PAQR5: variants seen among roughly 807,000 people sequenced by gnomAD.
The protein encoded by PAQR5 is progestin and adipoQ receptor family member 5.
In PAQR5, 20 loss-of-function variants were observed where a neutral mutation model predicts 34.5. The ratio of observed to expected loss-of-function variants is 0.58; its 90% CI spans 0.41 to 0.84. The LOEUF (loss-of-function observed/expected upper bound fraction) is 0.84, where lower values mean the gene tolerates loss of function less well. Among genes scored for constraint, PAQR5 ranks in the 40% least tolerant of loss-of-function variants. The pLI, the probability that PAQR5 is intolerant of heterozygous loss-of-function variation, is 0.00. For missense variants in PAQR5, 378 were observed against 412.7 expected, an observed-to-expected ratio of 0.92 and a Z score of 0.73; for synonymous variants, 131 against 155.6, an observed-to-expected ratio of 0.84 and a Z score of 1.18.
chr15:69,381,955 G>A (rs2055895446), intron 4 of PAQR5, among the ~76,000 whole-genome samples: 1 of 152,178 alleles, frequency 6.6e-6, no homozygotes, highest in Non-Finnish European at 1.5e-5. Flanking sequence ...TGGAAGCGAG[G>A]TGCTCTGCAG....
intron 2 of PAQR5, among the ~76,000 whole-genome samples, chr15:69,345,789 C>T (rs532511811): frequency 6.6e-6 from 1 of 152,174 alleles, no homozygotes; most frequent in Non-Finnish European, 1.5e-5. Flanking sequence ...AAAAAGAAAT[C>T]TTGCATAGTC....
At chr15:69,356,935 G>A (rs1472505072) in intron 2 of PAQR5, among the ~76,000 whole-genome samples, 1 of 152,068 alleles carries the variant, frequency 6.6e-6, no homozygotes, top group Non-Finnish European at 1.5e-5. Context: ...CTGAAGGTGG[G>A]GCCTGGAGGG....
intron 7 of PAQR5, chr15:69,397,796 G>C: frequency 1.8e-6 from 1 of 571,180 alleles, no homozygotes; most frequent in South Asian, 2.2e-5. Context: ...TCAAAATGGA[G>C]TTTCTTATGT....
At chr15:69,320,184 G>T (rs1247721830) in intron 1 of PAQR5, among the ~76,000 whole-genome samples, 1 of 152,236 alleles carries the variant, frequency 6.6e-6, no homozygotes, top group African/African-American at 2.4e-5. Flanking sequence ...CACCCTGGAG[G>T]CCAACTAGCT....
At chr15:69,349,214 C>T (rs2054849590) in intron 2 of PAQR5, among the ~76,000 whole-genome samples, 1 of 152,126 alleles carries the variant, frequency 6.6e-6, no homozygotes. Flanking sequence ...CTCTGCTCGC[C>T]TGAGGAACCA....
At chr15:69,306,602 A>G (rs2053722378) in intron 1 of PAQR5, among the ~76,000 whole-genome samples, 1 of 151,900 alleles carries the variant, frequency 6.6e-6, no homozygotes, top group Non-Finnish European at 1.5e-5. Flanking sequence ...ACAAGGTTTC[A>G]CCATGTTGGC....
intron 3 of PAQR5, among the ~76,000 whole-genome samples, chr15:69,374,659 A>C (rs994749567): frequency 1.3e-5 from 2 of 152,314 alleles, no homozygotes; most frequent in Non-Finnish European, 2.9e-5. Context: ...CCTGGGCAAC[A>C]GAGTGAGACT....
chr15:69,336,761 T>C (rs1054747834), intron 1 of PAQR5, among the ~76,000 whole-genome samples: 4 of 152,240 alleles, frequency 2.6e-5, no homozygotes, highest in African/African-American at 7.2e-5. Context: ...TTGGTTTTCT[T>C]TGGACTGTAT....
At chr15:69,380,681 T>C (rs746035987) in intron 4 of PAQR5, among the ~76,000 whole-genome samples, 1 of 152,104 alleles carries the variant, frequency 6.6e-6, no homozygotes, top group Non-Finnish European at 1.5e-5. Flanking sequence ...TGCACACCTT[T>C]GCTTAAGGAA....
intron 2 of PAQR5, among the ~76,000 whole-genome samples, chr15:69,355,298 T>C (rs1308513746): frequency 5.8e-5 from 4 of 68,430 alleles, no homozygotes; most frequent in African/African-American, 2.6e-4. Flanking sequence ...TTTTCTTTCT[T>C]TCTTTCTTTC....
At chr15:69,314,039 C>T (rs1286871592) in intron 1 of PAQR5, among the ~76,000 whole-genome samples, 2 of 152,262 alleles carry the variant, frequency 1.3e-5, no homozygotes, top group Non-Finnish European at 2.9e-5. Context: ...TCACTAATGC[C>T]TCCTGCCTGG....
intron 7 of PAQR5, 122 bp downstream of exon 7, chr15:69,397,686 C>A: frequency 1.4e-6 from 1 of 732,382 alleles, no homozygotes; most frequent in Non-Finnish European, 2.5e-6. Context: ...GGAGTCGAGA[C>A]CCAGGTGAAG....
chr15:69,399,125 G>T (rs1246244763), intron 7 of PAQR5, among the ~76,000 whole-genome samples: 4 of 152,184 alleles, frequency 2.6e-5, no homozygotes, highest in Non-Finnish European at 4.4e-5. Flanking sequence ...CAGTATAGTG[G>T]CCATCATTGA....
At chr15:69,305,798 C>G (rs2053703200) in intron 1 of PAQR5, among the ~76,000 whole-genome samples, 1 of 152,168 alleles carries the variant, frequency 6.6e-6, no homozygotes, top group South Asian at 2.1e-4. Context: ...GTTTATTCCT[C>G]CCAAGTTAGC....
rs770100165 is a variant in PAQR5 at position 69,310,074 on chromosome 15, AAAC to A, written c.-277+11033_-277+11035del. Among the ~76,000 whole-genome samples, 17 of 152,012 alleles carry A rather than the reference AAAC, an allele frequency of 1.1e-4. No homozygotes were observed. In the East Asian group the frequency reaches 1.9e-3, roughly 17 times the overall value. ...AAAAAAAAACAAAAAAAACAAAACG[AAAC>A]AACAACAACAACAAAAGAAAGCTGC... On this transcript the variant is annotated intron_variant, in intron 1 of 8. Coordinates refer to ENST00000395407, the MANE Select transcript of PAQR5 (RefSeq NM_017705.4).
At chr15:69,326,859 A>G (rs1254249664) in intron 1 of PAQR5, among the ~76,000 whole-genome samples, 2 of 132,964 alleles carry the variant, frequency 1.5e-5, no homozygotes, top group Non-Finnish European at 3.2e-5. Context: ...GTTAGTGTGT[A>G]TGATGAACAA....
intron 3 of PAQR5, among the ~76,000 whole-genome samples, chr15:69,369,591 G>A (rs962219235): frequency 4.6e-5 from 7 of 150,686 alleles, no homozygotes; most frequent in African/African-American, 1.7e-4. Context: ...GTTTGCTTTT[G>A]TTACTTACCT....
At chr15:69,322,553 G>A (rs1156415320) in intron 1 of PAQR5, among the ~76,000 whole-genome samples, 1 of 145,066 alleles carries the variant, frequency 6.9e-6, no homozygotes, top group Non-Finnish European at 1.5e-5. Context: ...CAGGAGGGAG[G>A]CTGTGGTAAG....
intron 3 of PAQR5, among the ~76,000 whole-genome samples, chr15:69,369,703 A>G (rs2140883006): frequency 6.6e-6 from 1 of 151,842 alleles, no homozygotes; most frequent in South Asian, 2.1e-4. Flanking sequence ...TGGACCACAA[A>G]CCTATATGAA....
Sources: gnomAD v4.1 joint callset for allele counts (sites outside exome capture counted in the v4.1 genomes callset) on GRCh38, gnomAD v4.1.1 for gene constraint, MANE v1.5 for transcripts, NCBI Gene and HGNC (gene_info 2026-07-23, HGNC 2026-07-21) for gene names.